Variants in COL5A2 observed in about 807,000 individuals in gnomAD.
COL5A2 encodes the protein collagen type V alpha 2 chain.
A neutral mutation model predicts 208.2 loss-of-function variants in COL5A2; 23 were observed. That is an observed-to-expected ratio of 0.11 (90% CI 0.08 to 0.16). The LOEUF is 0.16. COL5A2 is among the 10% of genes least tolerant of loss of function. COL5A2 has a pLI of 1.00. For missense variants in COL5A2, 1,590 were observed against 1,956.4 expected, an observed-to-expected ratio of 0.81 and a Z score of 3.53; for synonymous variants, 625 against 628.5, an observed-to-expected ratio of 0.99 and a Z score of 0.08.
chr2:189,255,987 A>C, the COL5A2 span, among the ~76,000 whole-genome samples: 1 of 152,310 alleles, frequency 6.6e-6, no homozygotes, highest in African/African-American at 2.4e-5. Context: ...AATAGCATGG[A>C]ACGGCCAGAG....
the COL5A2 span, among the ~76,000 whole-genome samples, chr2:189,353,925 T>C: frequency 9.5e-4 from 144 of 152,318 alleles, no homozygotes; most frequent in Middle Eastern, 3.4e-3. Context: ...GGCTGTGGGT[T>C]TGTCATAAAT....
At chr2:189,357,514 G>A in the COL5A2 span, among the ~76,000 whole-genome samples, 1 of 152,106 alleles carries the variant, frequency 6.6e-6, no homozygotes, top group Non-Finnish European at 1.5e-5. Context: ...TGTTTACACT[G>A]TGAGGGTAAA....
At chr2:189,324,551 A>G in the COL5A2 span, among the ~76,000 whole-genome samples, 1,109 of 152,380 alleles carry the variant, frequency 7.3e-3, 16 homozygotes, top group African/African-American at 0.025. Flanking sequence ...TGCAGCCAAC[A>G]GACACATGAA....
chr2:189,440,454 T>C, the COL5A2 span, among the ~76,000 whole-genome samples: 1 of 152,206 alleles, frequency 6.6e-6, no homozygotes, highest in Admixed American at 6.5e-5. Context: ...CAGGCAATTG[T>C]AACAGAATAG....
At chr2:189,356,705 T>A in the COL5A2 span, among the ~76,000 whole-genome samples, 1 of 151,996 alleles carries the variant, frequency 6.6e-6, no homozygotes, top group Non-Finnish European at 1.5e-5. Context: ...GAGGAGTTTG[T>A]TATTACCCAC....
chr2:189,061,664 T>G, intron 29 of COL5A2, 49 bp from the exon 30 acceptor site: 1 of 1,352,428 alleles, frequency 7.4e-7, no homozygotes, highest in Non-Finnish European at 1.1e-6. Context: ...GATCTTTGTC[T>G]GCTTCCTCTC....
the COL5A2 span, among the ~76,000 whole-genome samples, chr2:189,424,914 C>T: frequency 2.6e-5 from 4 of 152,156 alleles, no homozygotes; most frequent in Admixed American, 2.6e-4. Flanking sequence ...AGATATATTA[C>T]AAAGCTCTAG....
At chr2:189,343,064 T>C in the COL5A2 span, among the ~76,000 whole-genome samples, 2 of 152,240 alleles carry the variant, frequency 1.3e-5, no homozygotes, top group South Asian at 4.1e-4. Flanking sequence ...TTTCTCTGTA[T>C]GTGCCTGAAG....
At chr2:189,321,840 A>G in the COL5A2 span, among the ~76,000 whole-genome samples, 1 of 152,240 alleles carries the variant, frequency 6.6e-6, no homozygotes, top group Non-Finnish European at 1.5e-5. Context: ...ATAGACATCT[A>G]CAGAACTCTC....
intron 50 of COL5A2, among the ~76,000 whole-genome samples, chr2:189,040,327 C>T (rs1199383671): frequency 8.0e-6 from 1 of 124,910 alleles, no homozygotes; most frequent in Admixed American, 9.7e-5. Flanking sequence ...AATAAAGAGC[C>T]CTCCTGCCTT....
the COL5A2 span, among the ~76,000 whole-genome samples, chr2:189,271,967 C>T: frequency 1.3e-5 from 2 of 152,174 alleles, no homozygotes; most frequent in Admixed American, 6.5e-5. Context: ...GAGATACCAT[C>T]TTACGTTAGT....
Position 189,108,185 on chromosome 2 carries a change from A to G in COL5A2, c.322+2040T>C, listed in dbSNP as rs1687186977. ...AATCCCATCTGTCACCCTAAGTTAC[A>G]CTTTTGTTTTAGTCTTTTTCTAGAT... On this transcript the variant is annotated intron_variant, in intron 2 of 53. Coordinates refer to ENST00000374866, the MANE Select transcript of COL5A2 (RefSeq NM_000393.5). Among the ~76,000 whole-genome samples, 3 of 151,864 alleles carry G rather than the reference A, an allele frequency of 2.0e-5. No homozygotes were observed. In the South Asian group the frequency reaches 6.2e-4, roughly 31 times the overall value.
At chr2:189,066,205 A>T (rs980222433) in intron 23 of COL5A2, among the ~76,000 whole-genome samples, 185 bp downstream of exon 23, 1 of 152,228 alleles carries the variant, frequency 6.6e-6, no homozygotes. Flanking sequence ...GATTTAACCA[A>T]TATTAGTTGA....
chr2:189,302,088 C>A, the COL5A2 span, among the ~76,000 whole-genome samples: 1 of 152,108 alleles, frequency 6.6e-6, no homozygotes, highest in Non-Finnish European at 1.5e-5. Flanking sequence ...TTCTCTATAT[C>A]CTAAATTTAC....
the COL5A2 span, among the ~76,000 whole-genome samples, chr2:189,230,373 G>A: frequency 2.0e-5 from 3 of 151,738 alleles, no homozygotes; most frequent in African/African-American, 7.3e-5. Flanking sequence ...GGAAACAAGA[G>A]AGTCAAAAGG....
chr2:189,435,097 T>C, the COL5A2 span, among the ~76,000 whole-genome samples: 3 of 152,130 alleles, frequency 2.0e-5, no homozygotes, highest in South Asian at 2.1e-4. Flanking sequence ...ATTTAATAAA[T>C]GGTGCTGGGA....
intron 1 of COL5A2, among the ~76,000 whole-genome samples, chr2:189,142,837 AT>A (rs911857091): frequency 4.8e-4 from 71 of 147,736 alleles, no homozygotes; most frequent in African/African-American, 1.6e-3. Flanking sequence ...GAATTGTGTC[AT>A]TTTTTTTTTC....
At chr2:189,069,036 A>T in intron 18 of COL5A2, 152 bp from the exon 19 acceptor site, 1 of 671,462 alleles carries the variant, frequency 1.5e-6, no homozygotes, top group Non-Finnish European at 2.7e-6. Context: ...ACCAAGCTTA[A>T]GGAGCGCACT....
In COL5A2 at chr2:189,045,214, C is replaced by G; in HGVS notation, c.3328G>C (p.Gly1110Arg). 1 of 1,607,314 alleles carries G rather than the reference C, an allele frequency of 6.2e-7. No homozygotes were observed. The highest frequency in any genetic ancestry group is 8.5e-7 in the Non-Finnish European group (1 of 1,177,252). Residue 1110 changes from glycine to arginine, a missense_variant, in exon 47 of 54, where the codon GGA becomes CGA. Coordinates refer to ENST00000374866, the MANE Select transcript of COL5A2 (RefSeq NM_000393.5). ...RGDPGSRGPI[G>R]PPGRAGKRGL... ...CGTTTCCCAGCTCGACCAGGTGGTC[C>G]TATAGGACCCCGAGAACCCTAAAAG...
Sources: gnomAD v4.1 joint callset for allele counts (sites outside exome capture counted in the v4.1 genomes callset) on GRCh38, gnomAD v4.1.1 for gene constraint, MANE v1.5 for transcripts, NCBI Gene and HGNC (gene_info 2026-07-23, HGNC 2026-07-21) for gene names.